The following GRIA1 variants were observed in gnomAD, a reference collection of about 807,000 sequenced individuals.
GRIA1 encodes the protein glutamate receptor 1.
In GRIA1, 31 loss-of-function variants were observed where a neutral mutation model predicts 99.2. The ratio of observed to expected loss-of-function variants is 0.31; its 90% CI spans 0.23 to 0.42. The LOEUF (loss-of-function observed/expected upper bound fraction) is 0.42. Among genes scored for constraint, GRIA1 ranks in the 10% least tolerant of loss-of-function variants. GRIA1 has a pLI of 1.00. For missense variants in GRIA1, 782 were observed against 1,157.5 expected (o/e 0.68, Z 4.71); for synonymous variants, 438 against 432.4 (o/e 1.01, Z -0.16).
chr5:153,577,160 GGA>G, intron 2 of GRIA1, among the ~76,000 whole-genome samples: 1 of 52,338 alleles, frequency 1.9e-5, no homozygotes, highest in Non-Finnish European at 7.2e-5. Context: ...ATGGTTGGAT[GGA>G]TGGATGGATG....
chr5:153,732,854 G>A lies in GRIA1; in HGVS notation c.1823+26787G>A, dbSNP rs183507574. Reference sequence around the variant, plus strand: ...TTCTTCTAGGAGTTTTACAGTTTCTGGTCTTACTTTAAGTCTTAAATCTGT... The same window carrying A: ...TTCTTCTAGGAGTTTTACAGTTTCTAGTCTTACTTTAAGTCTTAAATCTGT... On this transcript the variant is annotated intron_variant, in intron 11 of 15. Coordinates refer to ENST00000285900, the MANE Select transcript of GRIA1 (RefSeq NM_000827.4). Among the ~76,000 whole-genome samples the A allele has an allele frequency of 6.1e-4, 92 of 151,322 alleles. No homozygotes were observed. In the East Asian group the frequency reaches 0.017, roughly 28 times the overall value.
At chr5:153,746,407 G>A (rs1016617247) in intron 11 of GRIA1, among the ~76,000 whole-genome samples, 1 of 152,122 alleles carries the variant, frequency 6.6e-6, no homozygotes, top group Non-Finnish European at 1.5e-5. Flanking sequence ...GTTAACAAAC[G>A]TTAATTAAAG....
intron 11 of GRIA1, among the ~76,000 whole-genome samples, chr5:153,741,328 A>G (rs928517360): frequency 1.3e-5 from 2 of 152,228 alleles, no homozygotes; most frequent in African/African-American, 2.4e-5. Flanking sequence ...TTCAGCCACT[A>G]TGGAAAACAA....
intron 2 of GRIA1, among the ~76,000 whole-genome samples, chr5:153,597,410 A>C (rs1296886852): frequency 1.3e-5 from 2 of 152,084 alleles, no homozygotes; most frequent in Non-Finnish European, 2.9e-5. Flanking sequence ...AATCTTTTTC[A>C]AGAACTCAGG....
chr5:153,764,084 T>C (rs980053509), intron 11 of GRIA1, among the ~76,000 whole-genome samples: 1 of 152,242 alleles, frequency 6.6e-6, no homozygotes, highest in Non-Finnish European at 1.5e-5. Context: ...TTGCTGTGTA[T>C]GTAATTGCTT....
At chr5:153,652,283 CA>C (rs754850773) in intron 4 of GRIA1, among the ~76,000 whole-genome samples, 137 of 152,282 alleles carry the variant, frequency 9.0e-4, no homozygotes, top group Non-Finnish European at 1.4e-3. Context: ...TATTAATAGA[CA>C]GATGACCTAT....
chr5:153,539,813 C>G (rs1185753443), intron 2 of GRIA1, among the ~76,000 whole-genome samples: 1 of 152,184 alleles, frequency 6.6e-6, no homozygotes, highest in Non-Finnish European at 1.5e-5. Context: ...AAACCATCAC[C>G]TTAAAGCCTG....
At position 153,811,061 on chromosome 5, in the gene GRIA1, G is replaced by A; in HGVS notation, c.2557G>A (p.Ala853Thr). 1 of 1,614,180 alleles carries A rather than the reference G, an allele frequency of 6.2e-7. No individual in the cohort carries two copies. The highest frequency in any genetic ancestry group is 8.5e-7 in the Non-Finnish European group (1 of 1,180,004). The change falls in exon 16 of 16, where the codon GCC becomes ACC. Residue 853 changes from alanine (A) to threonine (T), a missense_variant. This residue lies in a region of GRIA1 where 76 missense variants were observed against 81.2 expected (regional missense o/e 0.94). Transcript: ENST00000285900. Reference sequence around the variant, plus strand: ...GATCCCACAGCAATCCATCAACGAAGCCATACGGACATCGACCCTCCCCCG... The same window carrying A: ...GATCCCACAGCAATCCATCAACGAAACCATACGGACATCGACCCTCCCCCG... ...CLIPQQSINE[A>T]IRTSTLPRNS...
At chr5:153,745,724 A>G (rs372151319) in intron 11 of GRIA1, among the ~76,000 whole-genome samples, 1 of 150,906 alleles carries the variant, frequency 6.6e-6, no homozygotes, top group East Asian at 1.9e-4. Flanking sequence ...ACATTTATAG[A>G]TGTTATAGAT....
At chr5:153,520,038 T>C (rs189069107) in intron 2 of GRIA1, among the ~76,000 whole-genome samples, 3 of 152,276 alleles carry the variant, frequency 2.0e-5, no homozygotes, top group African/African-American at 7.2e-5. Context: ...GTTAGGTTCG[T>C]AGTAACAATA....
intron 2 of GRIA1, among the ~76,000 whole-genome samples, chr5:153,524,777 CTT>C (rs1757455240): frequency 6.6e-6 from 1 of 152,116 alleles, no homozygotes; most frequent in Non-Finnish European, 1.5e-5. Context: ...GGCCAACAAA[CTT>C]TGTTGATGCA....
intron 13 of GRIA1, among the ~76,000 whole-genome samples, chr5:153,772,973 T>C (rs1373695940): frequency 6.6e-6 from 1 of 152,114 alleles, no homozygotes; most frequent in East Asian, 1.9e-4. Flanking sequence ...ATCCCACACA[T>C]AGTTTCCTGG....
At chr5:153,546,451 A>C (rs944715930) in intron 2 of GRIA1, among the ~76,000 whole-genome samples, 22 of 152,300 alleles carry the variant, frequency 1.4e-4, no homozygotes, top group African/African-American at 5.1e-4. Context: ...TGAATGAAGG[A>C]ATTCAATAAT....
At chr5:153,704,563 T>G (rs1758756760) in intron 10 of GRIA1, among the ~76,000 whole-genome samples, 1 of 152,222 alleles carries the variant, frequency 6.6e-6, no homozygotes, top group Non-Finnish European at 1.5e-5. Flanking sequence ...GATTTGAAAT[T>G]TAAAAACTGT....
intron 13 of GRIA1, among the ~76,000 whole-genome samples, chr5:153,774,589 A>G (rs996460266): frequency 1.3e-5 from 2 of 152,190 alleles, no homozygotes; most frequent in African/African-American, 4.8e-5. Flanking sequence ...AGTTGTATCA[A>G]GAGAGGACCT....
intron 1 of GRIA1, chr5:153,492,351 T>G: frequency 6.7e-7 from 1 of 1,497,520 alleles, no homozygotes; most frequent in Non-Finnish European, 8.9e-7. Flanking sequence ...CAAAACTTCC[T>G]GCCTTCAGGG....
At chr5:153,741,934 T>TTA (rs1554122122) in intron 11 of GRIA1, among the ~76,000 whole-genome samples, 7,717 of 144,894 alleles carry the variant, frequency 0.053, 256 homozygotes, top group Non-Finnish European at 0.072. Flanking sequence ...AAGCTTTTTT[T>TTA]AAAAAAAAAA....
intron 11 of GRIA1, among the ~76,000 whole-genome samples, chr5:153,763,096 TTCTTTTCC>T (rs1763289303): frequency 2.6e-5 from 4 of 152,206 alleles, no homozygotes; most frequent in African/African-American, 9.6e-5. Context: ...CCTAGGAGCA[TTCTTTTCC>T]ACATAGCAAG....
chr5:153,492,206 G>C, intron 1 of GRIA1: 3 of 1,533,462 alleles, frequency 2.0e-6, no homozygotes, highest in Non-Finnish European at 2.6e-6. Flanking sequence ...TACATGTGCT[G>C]CAGTACCCAT....
Sources: gnomAD v4.1 joint callset for allele counts (sites outside exome capture counted in the v4.1 genomes callset) on GRCh38, gnomAD v4.1.1 for gene constraint, gnomAD v4.1.1 regional missense constraint, MANE v1.5 for transcripts, NCBI Gene and HGNC (gene_info 2026-07-23, HGNC 2026-07-21) for gene names.